The following ZNF385D variants were observed in gnomAD, a reference collection of about 807,000 sequenced individuals.
ZNF385D encodes the protein zinc finger protein 659.
Under a neutral mutation model 35.8 loss-of-function variants are expected in ZNF385D, and 15 were observed. The observed-to-expected ratio is 0.42, with a 90% confidence interval of 0.28 to 0.64. The LOEUF (loss-of-function observed/expected upper bound fraction) is 0.64. ZNF385D is among the 30% of genes least tolerant of loss of function. The pLI is 0.23. For synonymous variants in ZNF385D, 212 were observed against 186.8 expected, an observed-to-expected ratio of 1.13 and a Z score of -1.10; for missense variants, 474 against 494.6, an observed-to-expected ratio of 0.96 and a Z score of 0.39.
chr3:21,485,891 A>G (rs116151991), intron 4 of ZNF385D, among the ~76,000 whole-genome samples: 125 of 151,992 alleles, frequency 8.2e-4, no homozygotes, highest in African/African-American at 3.0e-3. Flanking sequence ...AAAACCCTTT[A>G]TCTGAATCCC....
intron 4 of ZNF385D, among the ~76,000 whole-genome samples, chr3:21,503,890 C>T (rs1035162975): frequency 6.6e-6 from 1 of 152,062 alleles, no homozygotes; most frequent in African/African-American, 2.4e-5. Flanking sequence ...ACCTTCTTAG[C>T]AATACATTCA....
At chr3:21,714,608 T>C (rs1370992400) in intron 1 of ZNF385D, among the ~76,000 whole-genome samples, 2 of 152,220 alleles carry the variant, frequency 1.3e-5, no homozygotes, top group Non-Finnish European at 2.9e-5. Context: ...GTTTGCATCA[T>C]AAGTTTTTCC....
chr3:22,153,596 T>C (rs1032552241), intron 3 of ZNF385D, among the ~76,000 whole-genome samples: 2 of 151,710 alleles, frequency 1.3e-5, no homozygotes, highest in African/African-American at 2.4e-5. Context: ...CCTGAGTAGC[T>C]GGGATTAAAG....
chr3:21,834,422 T>C (rs1695195726), intron 3 of ZNF385D, among the ~76,000 whole-genome samples: 1 of 152,192 alleles, frequency 6.6e-6, no homozygotes, highest in Non-Finnish European at 1.5e-5. Flanking sequence ...GAAAAGACTT[T>C]AGGTGTATCC....
chr3:21,990,031 T>C (rs962687224), intron 3 of ZNF385D, among the ~76,000 whole-genome samples: 5 of 152,204 alleles, frequency 3.3e-5, no homozygotes, highest in African/African-American at 1.2e-4. Context: ...AAATGGGAAA[T>C]AATTTTTAAA....
intron 2 of ZNF385D, among the ~76,000 whole-genome samples, chr3:22,174,123 T>G (rs1466720005): frequency 6.6e-6 from 1 of 152,116 alleles, no homozygotes; most frequent in Non-Finnish European, 1.5e-5. Context: ...GTTTTAACCC[T>G]ATTGCAACTC....
At chr3:21,592,236 C>T (rs73137038) in intron 2 of ZNF385D, among the ~76,000 whole-genome samples, 4,649 of 152,200 alleles carry the variant, frequency 0.031, 225 homozygotes, top group African/African-American at 0.1. Flanking sequence ...CTGGTTTCCA[C>T]ATTCTTGCTG....
intron 3 of ZNF385D, among the ~76,000 whole-genome samples, chr3:21,970,363 G>C (rs1471842856): frequency 6.6e-6 from 1 of 152,024 alleles, no homozygotes; most frequent in African/African-American, 2.4e-5. Flanking sequence ...TTAAAAAATA[G>C]ATTAAAATAA....
At chr3:21,941,926 T>C (rs1222667074) in intron 3 of ZNF385D, among the ~76,000 whole-genome samples, 1 of 152,200 alleles carries the variant, frequency 6.6e-6, no homozygotes, top group Admixed American at 6.5e-5. Context: ...TAGCCTTAGG[T>C]CCTTTTACAA....
chr3:22,004,715 A>C (rs1696087252), intron 3 of ZNF385D, among the ~76,000 whole-genome samples: 3 of 152,186 alleles, frequency 2.0e-5, no homozygotes, highest in African/African-American at 7.2e-5. Context: ...ACTGAGATAA[A>C]TGCATATCTC....
intron 3 of ZNF385D, among the ~76,000 whole-genome samples, chr3:22,013,985 A>C (rs1055292008): frequency 2.6e-5 from 4 of 152,206 alleles, no homozygotes; most frequent in Non-Finnish European, 5.9e-5. Context: ...CAAATGTTTG[A>C]GGAAAATCAT....
At chr3:21,464,395 CAA>C (rs1703371990) in intron 4 of ZNF385D, among the ~76,000 whole-genome samples, 1 of 152,060 alleles carries the variant, frequency 6.6e-6, no homozygotes, top group Non-Finnish European at 1.5e-5. Flanking sequence ...TATTAAAAAA[CAA>C]AAATTAAAAA....
intron 2 of ZNF385D, among the ~76,000 whole-genome samples, chr3:21,595,158 T>A (rs2064093057): frequency 1.3e-5 from 2 of 152,134 alleles, no homozygotes; most frequent in South Asian, 4.1e-4. Flanking sequence ...CAGATATCCA[T>A]CAGACCCCAC....
intron 3 of ZNF385D, among the ~76,000 whole-genome samples, chr3:22,111,696 C>A (rs986447331): frequency 2.0e-5 from 3 of 152,114 alleles, no homozygotes; most frequent in Non-Finnish European, 4.4e-5. Flanking sequence ...AGGCTTAAAT[C>A]ATAAAAAAGT....
At chr3:21,507,395 A>G (rs1706854389) in intron 4 of ZNF385D, among the ~76,000 whole-genome samples, 1 of 152,270 alleles carries the variant, frequency 6.6e-6, no homozygotes, top group Non-Finnish European at 1.5e-5. Flanking sequence ...AGATTTTTTA[A>G]TTAAAATGAT....
At chr3:22,160,510 C>T (rs925531279) in intron 3 of ZNF385D, among the ~76,000 whole-genome samples, 27 of 151,982 alleles carry the variant, frequency 1.8e-4, no homozygotes, top group African/African-American at 6.3e-4. Context: ...AGAAGAAAAT[C>T]TTGTAAATTG....
At chr3:22,362,429 A>T (rs1575201505) in intron 2 of ZNF385D, among the ~76,000 whole-genome samples, 1 of 152,108 alleles carries the variant, frequency 6.6e-6, no homozygotes, top group African/African-American at 2.4e-5. Flanking sequence ...CTGTATATTG[A>T]AAGCAATTTT....
intron 3 of ZNF385D, among the ~76,000 whole-genome samples, chr3:21,903,337 G>T (rs1448454907): frequency 6.6e-6 from 1 of 152,122 alleles, no homozygotes; most frequent in African/African-American, 2.4e-5. Context: ...ACAGCAGGGG[G>T]CAAAAGGCAA....
intron 3 of ZNF385D, among the ~76,000 whole-genome samples, chr3:22,047,731 A>C (rs186272969): frequency 6.6e-6 from 1 of 152,270 alleles, no homozygotes; most frequent in African/African-American, 2.4e-5. Context: ...TCTATTTGAC[A>C]TACTGATTTT....
Sources: gnomAD v4.1 joint callset for allele counts (sites outside exome capture counted in the v4.1 genomes callset) on GRCh38, gnomAD v4.1.1 for gene constraint, MANE v1.5 for transcripts, NCBI Gene and HGNC (gene_info 2026-07-23, HGNC 2026-07-21) for gene names.